The following ANK3 variants were observed in gnomAD, a reference collection of about 807,000 sequenced individuals.
ANK3 encodes ankyrin 3, also known as ankyrin-3.
Under a neutral mutation model 370.9 loss-of-function variants are expected in ANK3, and 57 were observed. The ratio of observed to expected loss-of-function variants is 0.15; its 90% CI spans 0.12 to 0.19. ANK3 has a LOEUF of 0.19. Among genes scored for constraint, ANK3 ranks in the 10% least tolerant of loss-of-function variants. ANK3 has a pLI of 1.00. For synonymous variants in ANK3, 1,929 were observed against 1,946.3 expected, an observed-to-expected ratio of 0.99 and a Z score of 0.23; for missense variants, 4,439 against 5,302.1, an observed-to-expected ratio of 0.84 and a Z score of 5.06.
Position 60,607,293 on chromosome 10 carries a change from A to G in ANK3, c.96+7893T>C, listed in dbSNP as rs1359782715. 2.0e-5 allele frequency among the ~76,000 whole-genome samples: 3 copies of G among 152,184 alleles called. No individual in the cohort carries two copies. The South Asian group carries it at 6.2e-4, about 32-fold the overall frequency. ...ATAGATAACCAGAGCTCAAAGAGGT[A>G]AAGTGTCTAGCCCAGGGACACACAG... On this transcript the variant is annotated intron_variant, in intron 2 of 43. Transcript: ENST00000373827.
Position 60,382,995 on chromosome 10 carries a change from A to G in ANK3, c.114+6430T>C, listed in dbSNP as rs369608135. ...TTTAACTTTCAACATCTCAAAAGTGATAATTTTTTTCTTGATGTAAGAATT... is the reference window on the plus strand; with the variant it reads ...TTTAACTTTCAACATCTCAAAAGTGGTAATTTTTTTCTTGATGTAAGAATT... On this transcript the variant is annotated intron_variant, in intron 1 of 43. Transcript: ENST00000280772. Among the ~76,000 whole-genome samples, 13 of 152,156 alleles carry G rather than the reference A, an allele frequency of 8.5e-5. No homozygotes were observed. The East Asian group carries it at 2.1e-3, about 25-fold the overall frequency.
At chr10:60,106,469 T>C (rs1046204293) in intron 27 of ANK3, among the ~76,000 whole-genome samples, 4 of 152,146 alleles carry the variant, frequency 2.6e-5, no homozygotes, top group African/African-American at 9.6e-5. Flanking sequence ...AAAAATTCTA[T>C]AAAGTTCCTA....
intron 2 of ANK3, among the ~76,000 whole-genome samples, chr10:60,456,145 G>A (rs534394818): frequency 1.1e-4 from 17 of 152,292 alleles, no homozygotes; most frequent in African/African-American, 3.6e-4. Flanking sequence ...GATACCTGCC[G>A]TGGGGTTTTC....
intron 43 of ANK3, among the ~76,000 whole-genome samples, chr10:60,030,131 G>C (rs12253184): frequency 6.6e-6 from 1 of 151,586 alleles, no homozygotes; most frequent in African/African-American, 2.4e-5. Context: ...AATTGCACCA[G>C]ACCACCTGGT....
chr10:60,604,116 A>T (rs1322992922), intron 2 of ANK3, among the ~76,000 whole-genome samples: 1 of 152,172 alleles, frequency 6.6e-6, no homozygotes, highest in African/African-American at 2.4e-5. Flanking sequence ...TTCAGAGATG[A>T]CTTTCAAGGT....
At chr10:60,209,452 A>G (rs969139632) in intron 9 of ANK3, among the ~76,000 whole-genome samples, 5 of 152,170 alleles carry the variant, frequency 3.3e-5, no homozygotes, top group African/African-American at 7.2e-5. Flanking sequence ...TCTCTGACAT[A>G]TATTTCAACT....
At chr10:60,079,214 CACACACACACA>C (rs2084577885) in intron 36 of ANK3, among the ~76,000 whole-genome samples, 2 of 150,922 alleles carry the variant, frequency 1.3e-5, no homozygotes, top group African/African-American at 2.4e-5. Context: ...CACACACACA[CACACACACACA>C]CCCCTCTTCT....
chr10:60,072,559 T>C lies in ANK3; in HGVS notation c.8322A>G (p.Pro2774=), dbSNP rs759724270. 1.2e-6 allele frequency: 2 copies of C among 1,613,522 alleles called. No individual in the cohort carries two copies. Among genetic ancestry groups the C allele is most frequent in the African/African-American group, 1.3e-5 (1 of 74,970 alleles). The change falls in exon 37 of 44, where the codon CCA becomes CCG. Residue 2774 remains proline (P), a synonymous_variant. Transcript: ENST00000280772. ...REKQQKAIDL[P]DESVSVQKDF... is the part of the protein sequence containing the mutation. ...CTTTTTGCACAGATACACTTTCATC[T>C]GGGAGGTCTATGGCCTTCTGCTGTT...
chr10:60,577,019 T>C (rs989210222), intron 2 of ANK3, among the ~76,000 whole-genome samples: 8 of 152,240 alleles, frequency 5.3e-5, no homozygotes, highest in African/African-American at 1.9e-4. Context: ...TGTATTTACT[T>C]TCAATTTGAA....
At chr10:60,279,785 C>T in intron 1 of ANK3, 146 bp from the exon 2 acceptor site, 1 of 676,668 alleles carries the variant, frequency 1.5e-6, no homozygotes, top group Non-Finnish European at 2.4e-6. Context: ...GTAAAAAGAA[C>T]CAAGAAAAGG....
chr10:60,200,461 G>A (rs999903757), intron 12 of ANK3, among the ~76,000 whole-genome samples: 36 of 152,188 alleles, frequency 2.4e-4, no homozygotes, highest in African/African-American at 8.0e-4. Context: ...CAGGGGTGCT[G>A]CTCAGTAACC....
At position 60,385,433 on chromosome 10, in the gene ANK3, C is replaced by T. The variant is rs182028806; in HGVS notation, c.114+3992G>A. Among the ~76,000 whole-genome samples the T allele has an allele frequency of 3.3e-5, 5 of 152,068 alleles. No individual in the cohort carries two copies. In the East Asian group the frequency reaches 9.7e-4, roughly 30 times the overall value. On this transcript the variant is annotated intron_variant, in intron 1 of 43. Transcript: ENST00000280772. ...ATTCTCTATGGAGGGTGATTAGTGG[C>T]TCTTATCTTTCTCCTTCCCTGCCTC...
At chr10:60,306,512 T>C (rs538788376) in intron 1 of ANK3, among the ~76,000 whole-genome samples, 2 of 151,928 alleles carry the variant, frequency 1.3e-5, no homozygotes, top group African/African-American at 4.8e-5. Flanking sequence ...ATCTTTGCAA[T>C]TGTGAATCGT....
intron 2 of ANK3, among the ~76,000 whole-genome samples, chr10:60,538,826 C>CT (rs2133212046): frequency 6.6e-6 from 1 of 151,942 alleles, no homozygotes; most frequent in South Asian, 2.1e-4. Flanking sequence ...TTTACACTTT[C>CT]TAAAAATAAA....
At chr10:60,628,603 A>G (rs2078441437) in intron 1 of ANK3, among the ~76,000 whole-genome samples, 1 of 152,172 alleles carries the variant, frequency 6.6e-6, no homozygotes, top group Admixed American at 6.5e-5. Flanking sequence ...CCCAGACAAA[A>G]TGGTTTCAAG....
chr10:60,271,513 T>A (rs1019863145), intron 4 of ANK3, among the ~76,000 whole-genome samples: 3 of 152,194 alleles, frequency 2.0e-5, no homozygotes, highest in Non-Finnish European at 4.4e-5. Context: ...GCCAGTAAAT[T>A]CTTTTTGAAT....
Position 60,073,399 on chromosome 10 carries a change from C to G in ANK3, c.7482G>C (p.Glu2494Asp). The change falls in exon 37 of 44, where the codon GAG becomes GAC. Residue 2494 changes from glutamate to aspartate, a missense_variant. By Grantham distance (45) the Glu-to-Asp change is conservative (BLOSUM62 2). This residue lies in a region of ANK3 where 1,601 missense variants were observed against 1,731.7 expected (regional missense o/e 0.92). Transcript: ENST00000280772. Reference protein sequence around the residue: ...VTDHAGPPSSELQGSDKRSRE... With the variant: ...VTDHAGPPSSDLQGSDKRSRE... ...TGGACCGCTTATCAGACCCCTGTAA[C>G]TCTGAGCTAGGGGGTCCTGCATGGT... The G allele has an allele frequency of 1.2e-6, 2 of 1,613,854 alleles. No individual in the cohort carries two copies. The highest frequency in any genetic ancestry group is 1.7e-6 in the Non-Finnish European group (2 of 1,179,996).
chr10:60,673,651 C>A, intron 1 of ANK3, among the ~76,000 whole-genome samples: 1 of 152,186 alleles, frequency 6.6e-6, no homozygotes, highest in East Asian at 1.9e-4. Context: ...CACGCCCAGC[C>A]ATCAGACAAG....
At chr10:60,144,126 A>G in intron 23 of ANK3, 2 of 374,636 alleles carry the variant, frequency 5.3e-6, no homozygotes, top group South Asian at 3.9e-5. Flanking sequence ...AAAGATCCCA[A>G]GACTCAGCTG....
Sources: gnomAD v4.1 joint callset for allele counts (sites outside exome capture counted in the v4.1 genomes callset) on GRCh38, gnomAD v4.1.1 for gene constraint, gnomAD v4.1.1 regional missense constraint, MANE v1.5 for transcripts, NCBI Gene and HGNC (gene_info 2026-07-23, HGNC 2026-07-21) for gene names.